UNC80: variants seen among roughly 807,000 people sequenced by gnomAD.
The protein encoded by UNC80 is protein unc-80 homolog.
UNC80 carries 164 observed loss-of-function variants against 384.6 expected under a neutral mutation model. The observed-to-expected ratio is 0.43, with a 90% confidence interval of 0.38 to 0.49. The LOEUF is 0.49. Among genes scored for constraint, UNC80 ranks in the 20% least tolerant of loss-of-function variants. UNC80 has a pLI of 0.00. For synonymous variants in UNC80, 1,486 were observed against 1,527.8 expected (o/e 0.97, Z 0.64); for missense variants, 3,330 against 4,143.0 (o/e 0.80, Z 5.39).
intron 53 of UNC80, 168 bp downstream of exon 53, chr2:209,970,059 TGG>T: frequency 2.3e-6 from 2 of 876,898 alleles, no homozygotes; most frequent in Non-Finnish European, 3.4e-6. Context: ...AGGTGGTGTG[TGG>T]GGAGATCCAG....
chr2:209,897,090 C>A (rs1480142090), intron 28 of UNC80, among the ~76,000 whole-genome samples: 1 of 152,026 alleles, frequency 6.6e-6, no homozygotes, highest in Non-Finnish European at 1.5e-5. Flanking sequence ...TAATGGTCCT[C>A]GGATATATGG....
chr2:209,818,891 T>C (rs928503485), intron 11 of UNC80, 102 bp from the exon 12 acceptor site: 144 of 1,337,026 alleles, frequency 1.1e-4, no homozygotes, highest in Non-Finnish European at 1.4e-4. Context: ...TTTCAAAAAC[T>C]ACAGCTGTTA....
At chr2:209,846,266 G>T (rs2124832179) in intron 21 of UNC80, among the ~76,000 whole-genome samples, 1 of 152,192 alleles carries the variant, frequency 6.6e-6, no homozygotes, top group Admixed American at 6.5e-5. Context: ...AATAAAAACT[G>T]TATCTGGTGA....
At chr2:209,798,844 ATT>A (rs1167727452) in intron 7 of UNC80, among the ~76,000 whole-genome samples, 1 of 126,614 alleles carries the variant, frequency 7.9e-6, no homozygotes, top group Non-Finnish European at 1.6e-5. Context: ...AGCCTGGCTA[ATT>A]TTTTTTTTTT....
In UNC80 at chr2:209,872,020, T is replaced by G. The variant is rs948256495; in HGVS notation, c.3628-738T>G. Among the ~76,000 whole-genome samples, 1 of 152,106 alleles carries G rather than the reference T, an allele frequency of 6.6e-6. No individual in the cohort carries two copies. On this transcript the variant is annotated intron_variant, in intron 22 of 64. Coordinates refer to ENST00000673920, the MANE Select transcript of UNC80 (RefSeq NM_001371986.1). The surrounding 1 kb of genome is among the most constrained non-coding windows in gnomAD (Gnocchi z 4.1). The stretch of plus-strand genomic sequence containing the variant: ...CAAGATTGAGCTTCCTTTTCTTTTT[T>G]GAGGTGGAGTCTCACTCTGTCTCCC...
chr2:209,861,749 G>C (rs891691583), intron 22 of UNC80, among the ~76,000 whole-genome samples: 1 of 152,098 alleles, frequency 6.6e-6, no homozygotes, highest in Non-Finnish European at 1.5e-5. Context: ...ACTTCTTAGT[G>C]GTTTAGTCTT....
chr2:209,928,538 T>C (rs2090609121), intron 36 of UNC80, among the ~76,000 whole-genome samples: 1 of 152,144 alleles, frequency 6.6e-6, no homozygotes, highest in South Asian at 2.1e-4. Context: ...CATGAACATT[T>C]TTAAAGTTTT....
At chr2:209,878,869 C>T (rs1195877718) in intron 24 of UNC80, among the ~76,000 whole-genome samples, 3 of 152,154 alleles carry the variant, frequency 2.0e-5, no homozygotes, top group Non-Finnish European at 4.4e-5. Context: ...GTTTGAAATT[C>T]AAGCTCCCTG....
chr2:209,776,217 G>A (rs763306777), intron 3 of UNC80, among the ~76,000 whole-genome samples, 172 bp downstream of exon 3: 3 of 152,006 alleles, frequency 2.0e-5, no homozygotes, highest in Admixed American at 6.5e-5. Flanking sequence ...TCATTTTACC[G>A]ATAAAGAAAC....
intron 33 of UNC80, 87 bp from the exon 34 acceptor site, chr2:209,921,413 G>A (rs9288415): frequency 1 from 1,289,701 of 1,289,880 alleles, 644,762 homozygotes; most frequent in East Asian, 1. Context: ...AAACTACTAC[G>A]TTTGTGTCAT....
In UNC80 at chr2:209,813,799, G is replaced by T; in HGVS notation, c.1158G>T (p.Met386Ile). The T allele has an allele frequency of 6.4e-7, 1 of 1,552,148 alleles. No homozygotes were observed. The highest frequency in any genetic ancestry group is 1.4e-5 in the African/African-American group (1 of 73,158). ...TGCCCAGACCCAGGAGTAGCTCCAT[G>T]GTGGCAGCAGCTCCCTCACTAGTGA... is the stretch of plus-strand genomic sequence containing the variant. ...PLLPRPRSSS[M>I]VAAAPSLVNT... Residue 386 changes from methionine (M) to isoleucine (I), a missense_variant, in exon 8 of 65, where the codon ATG becomes ATT. This residue lies in a region of UNC80 where 937 missense variants were observed against 1,026.8 expected (regional missense o/e 0.91). Transcript: ENST00000673920.
chr2:209,889,260 A>G (rs2086113916), intron 26 of UNC80, among the ~76,000 whole-genome samples: 2 of 152,230 alleles, frequency 1.3e-5, no homozygotes, highest in South Asian at 4.1e-4. Flanking sequence ...TAGAAAAGTT[A>G]TTTATGGAAC....
chr2:209,881,672 C>T (rs904932975), intron 25 of UNC80, among the ~76,000 whole-genome samples: 1 of 152,076 alleles, frequency 6.6e-6, no homozygotes, highest in Non-Finnish European at 1.5e-5. Context: ...CATATACACT[C>T]CTGTGTGGTA....
intron 7 of UNC80, among the ~76,000 whole-genome samples, chr2:209,803,876 T>C (rs2078713351): frequency 6.6e-6 from 1 of 152,112 alleles, no homozygotes; most frequent in Non-Finnish European, 1.5e-5. Flanking sequence ...AAGAATACAA[T>C]GTGCACCATC....
At chr2:209,852,428 A>G (rs180875116) in intron 22 of UNC80, among the ~76,000 whole-genome samples, 5 of 152,184 alleles carry the variant, frequency 3.3e-5, no homozygotes, top group Non-Finnish European at 7.4e-5. Flanking sequence ...GTAGAGAATA[A>G]TACTCATAAC....
At chr2:209,914,025 C>G (rs1008956076) in intron 31 of UNC80, 85 bp downstream of exon 31, 2 of 1,435,602 alleles carry the variant, frequency 1.4e-6, no homozygotes, top group Non-Finnish European at 1.9e-6. Flanking sequence ...TGTTTCCATT[C>G]TATTTTTGCT....
chr2:209,935,079 G>T (rs2091154432), intron 39 of UNC80, among the ~76,000 whole-genome samples: 1 of 152,234 alleles, frequency 6.6e-6, no homozygotes, highest in Non-Finnish European at 1.5e-5. Flanking sequence ...TACATGTTTT[G>T]GTTTTGCTAA....
chr2:209,891,337 G>A (rs2086304998), intron 26 of UNC80, among the ~76,000 whole-genome samples: 1 of 152,096 alleles, frequency 6.6e-6, no homozygotes, highest in Non-Finnish European at 1.5e-5. Flanking sequence ...AGTATCAAAT[G>A]AATATTTTTT....
chr2:209,831,434 G>T lies in UNC80; in HGVS notation c.2627-9G>T, dbSNP rs775663063. The T allele has an allele frequency of 2.6e-6, 4 of 1,544,200 alleles. No homozygotes were observed. In the African/African-American group the frequency reaches 5.5e-5, roughly 21 times the overall value. On this transcript the variant is annotated splice_polypyrimidine_tract_variant and intron_variant, in intron 15 of 64. Coordinates refer to ENST00000673920, the MANE Select transcript of UNC80 (RefSeq NM_001371986.1). ...AACATTGTCTTTAATTTGTGCCTTT[G>T]CATTCCAGACAAGGCTGGGTTTGGA...
Sources: gnomAD v4.1 joint callset for allele counts (sites outside exome capture counted in the v4.1 genomes callset) on GRCh38, gnomAD v4.1.1 for gene constraint, gnomAD v4.1.1 regional missense constraint, Gnocchi (gnomAD v3.1) non-coding constraint, MANE v1.5 for transcripts, NCBI Gene and HGNC (gene_info 2026-07-23, HGNC 2026-07-21) for gene names.